The following EVPL variants were observed in gnomAD, a reference collection of about 807,000 sequenced individuals.
EVPL encodes the protein envoplakin.
A neutral mutation model predicts 129.7 loss-of-function variants in EVPL; 94 were observed. The observed-to-expected ratio is 0.72, with a 90% confidence interval of 0.61 to 0.86. The LOEUF (loss-of-function observed/expected upper bound fraction) is 0.86. EVPL is among the 40% of genes least tolerant of loss of function. EVPL has a pLI of 0.00. For synonymous variants in EVPL, 1,172 were observed against 1,191.1 expected (o/e 0.98, Z 0.33); for missense variants, 2,625 against 2,721.1 (o/e 0.96, Z 0.79).
intron 14 of EVPL, among the ~76,000 whole-genome samples, 194 bp downstream of exon 14, chr17:76,017,545 T>C (rs2066425908): frequency 6.6e-6 from 1 of 152,168 alleles, no homozygotes. Flanking sequence ...CAGAGAGTTA[T>C]GTAGTCCAAG....
In EVPL at chr17:76,022,360, G is replaced by A; in HGVS notation, c.606+53C>T. On this transcript the variant is annotated intron_variant, in intron 5 of 21. Coordinates refer to ENST00000301607, the MANE Select transcript of EVPL (RefSeq NM_001988.4). This position sits in a 1 kb window ranked among gnomAD's most constrained non-coding sequence, Gnocchi z 5.6. Reference sequence around the variant, plus strand: ...AGCCGATCTAGCTCCGGCTCTGACTGGAGAAACGGGCTGGGGCTGGCCCCG... The same window carrying A: ...AGCCGATCTAGCTCCGGCTCTGACTAGAGAAACGGGCTGGGGCTGGCCCCG... 1.2e-6 allele frequency: 2 copies of A among 1,610,942 alleles called. No homozygotes were observed. The highest frequency in any genetic ancestry group is 2.2e-5 in the East Asian group (1 of 44,832).
Position 76,017,773 on chromosome 17 carries a change from A to C in EVPL, c.1676T>G (p.Leu559Trp), listed in dbSNP as rs201025581. 1 of 1,612,972 alleles carries C rather than the reference A, an allele frequency of 6.2e-7. No homozygotes were observed. The highest frequency in any genetic ancestry group is 2.2e-5 in the East Asian group (1 of 44,864). The change falls in exon 14 of 22, where the codon TTG (leucine) becomes TGG (tryptophan). Residue 559 changes from leucine (L) to tryptophan (W), a missense_variant. This residue lies in a region of EVPL where 1,024 missense variants were observed against 997.5 expected (regional missense o/e 1.03). Coordinates refer to ENST00000301607, the MANE Select transcript of EVPL (RefSeq NM_001988.4). ...GTGGATGCGGCCCTCCAAGTCCTCC[A>C]AGGGTGTGGGGCGGCTCAGCGGGGC... ...ARAPLSRPTP[L>W]EDLEGRIHSH...
Position 76,010,031 on chromosome 17 carries a change from C to T in EVPL, c.3174G>A (p.Lys1058=). Residue 1058 remains lysine, a synonymous_variant, in exon 22 of 22, where the codon AAG becomes AAA. Transcript: ENST00000301607. ...VISARLEGLK[K]ELLALEKREV... is the part of the protein sequence containing the mutation. ...CCCTCTTCTCAAGGGCCAGTAGCTC[C>T]TTCTTCAGCCCTTCCAGCCGGGCCG... The T allele has an allele frequency of 6.2e-7, 1 of 1,613,140 alleles. No homozygotes were observed. The highest frequency in any genetic ancestry group is 1.1e-5 in the South Asian group (1 of 91,084).
intron 14 of EVPL, 66 bp from the exon 15 acceptor site, chr17:76,015,694 C>T: frequency 6.6e-7 from 1 of 1,513,432 alleles, no homozygotes. Context: ...TACCAGGATA[C>T]CCTAACTCTG....
Position 76,010,526 on chromosome 17 carries a change from G to A in EVPL, c.2679C>T (p.Asp893=). Residue 893 remains aspartate (D), a synonymous_variant, in exon 22 of 22, where the codon GAC becomes GAT. Transcript: ENST00000301607. The part of the protein sequence containing the change: ...KMLEKKELSE[D]IRRTHDAKQG... Reference sequence around the variant, plus strand: ...GCTTTGCATCATGGGTCCTTCGGATGTCCTCACTGAGCTCCTTCTGCAGAG... The same window carrying A: ...GCTTTGCATCATGGGTCCTTCGGATATCCTCACTGAGCTCCTTCTGCAGAG... 1.2e-6 allele frequency: 2 copies of A among 1,613,230 alleles called. No individual in the cohort carries two copies.
At position 76,022,251 on chromosome 17, in the gene EVPL, A is replaced by G; in HGVS notation, c.607-24T>C. The stretch of plus-strand genomic sequence containing the variant: ...TCCTGCCTCGACCAAGGGGAGAAAC[A>G]AGCCCGTGAGAGGTGGGGTGCAGGG... On this transcript the variant is annotated intron_variant, in intron 5 of 21. Transcript: ENST00000301607. This position sits in a 1 kb window ranked among gnomAD's most constrained non-coding sequence, Gnocchi z 5.6. 1.9e-6 allele frequency: 3 copies of G among 1,612,878 alleles called. No individual in the cohort carries two copies. The highest frequency in any genetic ancestry group is 4.5e-5 in the East Asian group (2 of 44,854).
rs769872374 is a variant in EVPL at position 76,007,584 on chromosome 17, C to T, written c.5621G>A (p.Arg1874His). Reference protein sequence around the residue: ...ATGGIVDLLSRERYSVHKAME... With the variant: ...ATGGIVDLLSHERYSVHKAME... ...CGCCTTGTGCACAGAGTAGCGCTCACGGCTGAGCAGGTCCACGATGCCCCC... is the reference window on the plus strand; with the variant it reads ...CGCCTTGTGCACAGAGTAGCGCTCATGGCTGAGCAGGTCCACGATGCCCCC... Residue 1874 changes from arginine to histidine, a missense_variant, in exon 22 of 22, where the codon CGT (arginine) becomes CAT (histidine). Physicochemically the swap from Arg to His is conservative, Grantham distance 29. Around this residue, in one of 4 missense-constraint regions of EVPL, gnomAD observed 1,453 missense variants for 1,511.8 expected, o/e 0.96. Transcript: ENST00000301607. This position sits in a 1 kb window ranked among gnomAD's most constrained non-coding sequence, Gnocchi z 8.8. The T allele has an allele frequency of 1.2e-5, 19 of 1,613,918 alleles. No individual in the cohort carries two copies. The highest frequency in any genetic ancestry group is 3.3e-5 in the Admixed American group (2 of 60,012).
In EVPL at chr17:76,027,261, G is replaced by A. The variant is rs765013014; in HGVS notation, c.-63C>T. 1.6e-6 allele frequency: 2 copies of A among 1,229,022 alleles called. No homozygotes were observed. Among genetic ancestry groups the A allele is most frequent in the Non-Finnish European group, 2.4e-6 (2 of 836,400 alleles). The allele number at this position is 1,229,022 out of a possible 1,614,324, so 76.1% of individuals were successfully genotyped here. A position where few individuals can be genotyped will look rare whatever the true frequency, so the allele number is the denominator to read the frequency against. ...CTGGCGAAAGACGGCAGGAGGGCAG[G>A]TGGGAGGCAGCGGGCGTCCTCACTG... On this transcript the variant is annotated 5_prime_UTR_variant, in exon 1 of 22. Coordinates refer to ENST00000301607, the MANE Select transcript of EVPL (RefSeq NM_001988.4).
chr17:76,015,218 G>C lies in EVPL; in HGVS notation c.2028+9C>G. 6.3e-7 allele frequency: 1 copy of C among 1,583,708 alleles called. No homozygotes were observed. Among genetic ancestry groups the C allele is most frequent in the Non-Finnish European group, 8.6e-7 (1 of 1,167,620 alleles). On this transcript the variant is annotated intron_variant, in intron 16 of 21. Coordinates refer to ENST00000301607, the MANE Select transcript of EVPL (RefSeq NM_001988.4). The stretch of plus-strand genomic sequence containing the variant: ...CCCTGACACCAGGAGGCCCCGGCTG[G>C]TCCCTTACCTGCAGCTCGCTGACCC...
chr17:76,021,616 A>ACCCCCCCC, intron 8 of EVPL, 53 bp from the exon 9 acceptor site: 1 of 1,174,140 alleles, frequency 8.5e-7, no homozygotes, highest in Non-Finnish European at 1.1e-6. Context: ...CGTCCGCCCC[A>ACCCCCCCC]CCTCCCCCCT....
rs1026002607 is a variant in EVPL, at chr17:76,008,457, C to T, written c.4748G>A (p.Arg1583Lys). 12 of 1,594,352 alleles carry T rather than the reference C, an allele frequency of 7.5e-6. 1 individual carries two copies. The East Asian group carries it at 2.7e-4, about 36-fold the overall frequency. The change falls in exon 22 of 22, where the codon AGG becomes AAG. Residue 1583 changes from arginine (R) to lysine (K), a missense_variant. Arg to Lys is a conservative substitution (Grantham distance 26, BLOSUM62 2). Coordinates refer to ENST00000301607, the MANE Select transcript of EVPL (RefSeq NM_001988.4). This position sits in a 1 kb window ranked among gnomAD's most constrained non-coding sequence, Gnocchi z 7.4. ...TWSREESELQRARDQADQECG... is the reference protein window; with the variant it reads ...TWSREESELQKARDQADQECG... ...CTCCTGGTCGGCCTGGTCCCGGGCC[C>T]TCTGCAGCTCGGACTCCTCCCGGGA...
At chr17:76,025,293 G>A (rs1265399401) in intron 1 of EVPL, among the ~76,000 whole-genome samples, 1 of 152,240 alleles carries the variant, frequency 6.6e-6, no homozygotes, top group Non-Finnish European at 1.5e-5. Flanking sequence ...TCCCATTAGA[G>A]GGCTAGTGCC....
intron 10 of EVPL, 33 bp from the exon 11 acceptor site, chr17:76,019,093 C>T: frequency 1.3e-6 from 2 of 1,544,970 alleles, no homozygotes; most frequent in Non-Finnish European, 1.7e-6. Flanking sequence ...GGGACTCAGG[C>T]CAGGCTGCAT....
intron 10 of EVPL, 142 bp downstream of exon 10, chr17:76,019,386 G>T (rs2066441605): frequency 1.8e-6 from 2 of 1,129,264 alleles, no homozygotes; most frequent in Non-Finnish European, 1.2e-6. Flanking sequence ...CCAGCCTCCT[G>T]CTAGAGTAAA....
At chr17:76,018,842 G>A (rs1377218247) in intron 11 of EVPL, 72 bp downstream of exon 11, 1 of 1,459,080 alleles carries the variant, frequency 6.9e-7, no homozygotes, top group Non-Finnish European at 9.1e-7. Context: ...AGCAGGGATG[G>A]GCTTGGGCAG....
Position 76,010,458 on chromosome 17 carries a change from G to T in EVPL, c.2747C>A (p.Ala916Asp). 6.2e-7 allele frequency: 1 copy of T among 1,614,068 alleles called. No individual in the cohort carries two copies. The change falls in exon 22 of 22, where the codon GCC (alanine) becomes GAC (aspartate). Residue 916 changes from alanine to aspartate, a missense_variant. Physicochemically the swap from Ala to Asp is moderately radical, Grantham distance 126 (BLOSUM62 -2). Around this residue, in one of 4 missense-constraint regions of EVPL, gnomAD observed 1,453 missense variants for 1,511.8 expected, o/e 0.96. Coordinates refer to ENST00000301607, the MANE Select transcript of EVPL (RefSeq NM_001988.4). Reference protein sequence around the residue: ...SPAQAGRESEALKAQLEEERK... With the variant: ...SPAQAGRESEDLKAQLEEERK... ...CTCCTCTTCCAGCTGGGCCTTCAGG[G>T]CCTCTGACTCTCTCCCTGCTTGGGC...
intron 18 of EVPL, among the ~76,000 whole-genome samples, chr17:76,012,742 CTTTTTTTTTTT>C (rs56349197): frequency 8.8e-4 from 103 of 117,530 alleles, no homozygotes; most frequent in African/African-American, 3.0e-3. Context: ...TCTTTCTTTT[CTTTTTTTTTTT>C]TTTTTTTTTG....
Position 76,027,272 on chromosome 17 carries a change from C to T in EVPL, c.-74G>A, listed in dbSNP as rs2066505411. On this transcript the variant is annotated 5_prime_UTR_variant, in exon 1 of 22. Transcript: ENST00000301607. ...CGGCAGGAGGGCAGGTGGGAGGCAG[C>T]GGGCGTCCTCACTGGCTGGTCAGCT... 5 of 1,079,762 alleles carry T rather than the reference C, an allele frequency of 4.6e-6. No homozygotes were observed. Among genetic ancestry groups the T allele is most frequent in the Non-Finnish European group, 7.1e-6 (5 of 703,442 alleles). 66.9% of individuals were successfully genotyped at this position (1,079,762 alleles called of 1,614,324 possible).
At chr17:76,021,835 C>A (rs780675494) in intron 7 of EVPL, 32 bp downstream of exon 7, 2 of 1,566,970 alleles carry the variant, frequency 1.3e-6, no homozygotes, top group South Asian at 1.2e-5. Flanking sequence ...GCCCTGGCCG[C>A]CCCCACCTGG....
Sources: allele counts gnomAD v4.1 joint callset (sites outside exome capture counted in the v4.1 genomes callset), GRCh38; gene constraint gnomAD v4.1.1; regional missense constraint gnomAD v4.1.1; non-coding constraint Gnocchi (gnomAD v3.1); transcripts MANE v1.5; gene names NCBI Gene and HGNC (gene_info 2026-07-23, HGNC 2026-07-21).